Variants in CEP128 observed in about 807,000 individuals in gnomAD.
The protein encoded by CEP128 is centrosomal protein 128kDa.
In CEP128, 132 loss-of-function variants were observed where a neutral mutation model predicts 156.7. The observed-to-expected ratio is 0.84, with a 90% CI of 0.73 to 0.97. The LOEUF (loss-of-function observed/expected upper bound fraction) is 0.97. Ranked by LOEUF, CEP128 falls within the 50% of genes least tolerant of loss-of-function variation. The pLI is 0.00. For synonymous variants in CEP128, 469 were observed against 448.9 expected, an observed-to-expected ratio of 1.04 and a Z score of -0.57; for missense variants, 1,252 against 1,281.9, an observed-to-expected ratio of 0.98 and a Z score of 0.36.
Position 80,923,970 on chromosome 14 carries a change from C to G in CEP128, c.-15-7408G>C, listed in dbSNP as rs146746542. The stretch of plus-strand genomic sequence containing the variant: ...CCCTCTTCGCTCCTCACTCTTCTCT[C>G]TCCTGCCACCATATGAGAAGGTCCA... On this transcript the variant is annotated intron_variant, in intron 2 of 24. Coordinates refer to ENST00000555265, the MANE Select transcript of CEP128 (RefSeq NM_152446.5). 5.3e-5 allele frequency among the ~76,000 whole-genome samples: 8 copies of G among 152,274 alleles called. No homozygotes were observed. In the East Asian group the frequency reaches 1.5e-3, roughly 29 times the overall value.
rs1336301469 is a variant in CEP128, at chr14:80,906,096, A to G, written c.235-15T>C. On this transcript the variant is annotated splice_polypyrimidine_tract_variant and intron_variant, in intron 4 of 24. Transcript: ENST00000555265. The stretch of plus-strand genomic sequence containing the variant: ...CTTTCTTTTAACTAATTTAAAGAAT[A>G]TAATGAATGAAGCGTTATTCTTCTT... The G allele has an allele frequency of 6.4e-7, 1 of 1,563,174 alleles. No individual in the cohort carries two copies. The highest frequency in any genetic ancestry group is 2.3e-5 in the East Asian group (1 of 43,682).
intron 23 of CEP128, 50 bp downstream of exon 23, chr14:80,526,819 T>C: frequency 1.9e-6 from 2 of 1,039,860 alleles, no homozygotes; most frequent in Non-Finnish European, 3.0e-6. Flanking sequence ...GGTTGTAGCC[T>C]TAAACATGGA....
chr14:80,777,945 A>AG lies in CEP128; in HGVS notation c.2312_2313insC (p.Glu772Ter). ...GCTTCAGTTTTTTGTTCTCATTTTCATTCTGGGTTAATTCCTCTGTCAGTC... is the reference window on the plus strand; with the variant it reads ...GCTTCAGTTTTTTGTTCTCATTTTCAGTTCTGGGTTAATTCCTCTGTCAGTC... On this transcript the variant is annotated frameshift_variant, in exon 16 of 25. Coordinates refer to ENST00000555265, the MANE Select transcript of CEP128 (RefSeq NM_152446.5). LOFTEE classifies it high-confidence loss of function. 2 of 1,613,060 alleles carry AG rather than the reference A, an allele frequency of 1.2e-6. No homozygotes were observed. Among genetic ancestry groups the AG allele is most frequent in the Non-Finnish European group, 1.7e-6 (2 of 1,179,370 alleles).
intron 19 of CEP128, among the ~76,000 whole-genome samples, chr14:80,672,026 CAA>C (rs1259951019): frequency 6.6e-6 from 1 of 152,004 alleles, no homozygotes; most frequent in African/African-American, 2.4e-5. Context: ...AGATTTACAC[CAA>C]AGAGATGACA....
At chr14:80,612,794 A>G (rs895932817) in intron 19 of CEP128, among the ~76,000 whole-genome samples, 9 of 152,274 alleles carry the variant, frequency 5.9e-5, no homozygotes, top group African/African-American at 1.9e-4. Context: ...ATTTTAAAGT[A>G]ATTTCTAAAA....
intron 19 of CEP128, among the ~76,000 whole-genome samples, chr14:80,677,508 C>CAAAAAAAAAAAAAAAAAAAAAA (rs57636757): frequency 1.1e-5 from 1 of 94,062 alleles, no homozygotes; most frequent in Non-Finnish European, 2.1e-5. Flanking sequence ...GACTCCGTCT[C>CAAAAAAAAAAAAAAAAAAAAAA]AAAAAAAAAA....
At chr14:80,704,795 CT>C (rs1373011773) in intron 19 of CEP128, among the ~76,000 whole-genome samples, 1 of 150,556 alleles carries the variant, frequency 6.6e-6, no homozygotes, top group African/African-American at 2.4e-5. Flanking sequence ...CTTCTTCTTT[CT>C]TTCTACCTTT....
chr14:80,793,220 T>A, intron 13 of CEP128, 110 bp from the exon 14 acceptor site: 1 of 748,512 alleles, frequency 1.3e-6, no homozygotes, highest in South Asian at 2.0e-5. Flanking sequence ...ATCATCTGTA[T>A]TAAAATTCAT....
chr14:80,772,942 G>C (rs1188780291), intron 16 of CEP128, among the ~76,000 whole-genome samples: 1 of 152,138 alleles, frequency 6.6e-6, no homozygotes, highest in Non-Finnish European at 1.5e-5. Flanking sequence ...AACTCCTGAC[G>C]AACTTGCAAC....
intron 21 of CEP128, among the ~76,000 whole-genome samples, chr14:80,549,950 T>G (rs997181037): frequency 2.6e-5 from 4 of 152,200 alleles, no homozygotes; most frequent in African/African-American, 9.6e-5. Context: ...GTCTGTAATT[T>G]CCATAGAGAC....
intron 20 of CEP128, among the ~76,000 whole-genome samples, chr14:80,561,585 A>G (rs1890674788): frequency 6.6e-6 from 1 of 152,126 alleles, no homozygotes; most frequent in Non-Finnish European, 1.5e-5. Flanking sequence ...TTACAGCCCT[A>G]TTTGGGCCTT....
chr14:80,680,923 C>G (rs994643821), intron 19 of CEP128, among the ~76,000 whole-genome samples: 2 of 152,130 alleles, frequency 1.3e-5, no homozygotes, highest in African/African-American at 4.8e-5. Flanking sequence ...AGAGCTCAGA[C>G]CACTGTGCAC....
At chr14:80,902,755 A>G (rs763363094) in intron 6 of CEP128, among the ~76,000 whole-genome samples, 13 of 152,214 alleles carry the variant, frequency 8.5e-5, no homozygotes, top group Non-Finnish European at 1.6e-4. Flanking sequence ...AAAAAACACT[A>G]ATGGTAGAAA....
At chr14:80,908,368 T>G (rs1884013753) in intron 4 of CEP128, among the ~76,000 whole-genome samples, 1 of 152,196 alleles carries the variant, frequency 6.6e-6, no homozygotes, top group African/African-American at 2.4e-5. Flanking sequence ...TCTTCTATAT[T>G]TTTTCAATCT....
intron 19 of CEP128, among the ~76,000 whole-genome samples, chr14:80,599,469 G>T (rs1056284532): frequency 3.3e-5 from 5 of 151,480 alleles, no homozygotes; most frequent in Admixed American, 3.3e-4. Flanking sequence ...TAGAGACGGG[G>T]TTTCACCATG....
chr14:80,655,459 A>G (rs1895090683), intron 19 of CEP128, among the ~76,000 whole-genome samples: 1 of 152,188 alleles, frequency 6.6e-6, no homozygotes, highest in Non-Finnish European at 1.5e-5. Flanking sequence ...GCCATTCTCT[A>G]TAAGCACATG....
intron 21 of CEP128, among the ~76,000 whole-genome samples, chr14:80,553,946 G>A (rs1353479899): frequency 6.6e-6 from 1 of 152,170 alleles, no homozygotes; most frequent in Non-Finnish European, 1.5e-5. Context: ...CCTGGTCATA[G>A]AGGAGGACGT....
chr14:80,541,081 T>G (rs139102386), intron 21 of CEP128, among the ~76,000 whole-genome samples: 7 of 152,286 alleles, frequency 4.6e-5, no homozygotes, highest in Non-Finnish European at 1.0e-4. Context: ...AATCAGGAGA[T>G]ACAAGGTTAT....
chr14:80,851,293 G>A (rs1368588655), intron 9 of CEP128, among the ~76,000 whole-genome samples: 2 of 152,124 alleles, frequency 1.3e-5, no homozygotes, highest in Non-Finnish European at 2.9e-5. Flanking sequence ...ATTATAGTTT[G>A]TGTTAAATGC....
Sources: allele counts gnomAD v4.1 joint callset (sites outside exome capture counted in the v4.1 genomes callset), GRCh38; gene constraint gnomAD v4.1.1; transcripts MANE v1.5; gene names NCBI Gene and HGNC (gene_info 2026-07-23, HGNC 2026-07-21).